FHAD1: variants seen among roughly 807,000 people sequenced by gnomAD.
The protein encoded by FHAD1 is forkhead associated phosphopeptide binding domain 1.
FHAD1 carries 146 observed loss-of-function variants against 191.3 expected under a neutral mutation model. The ratio of observed to expected loss-of-function variants is 0.76; its 90% CI spans 0.67 to 0.88. FHAD1 has a LOEUF of 0.88. Among genes scored for constraint, FHAD1 ranks in the 40% least tolerant of loss-of-function variants. The probability of loss-of-function intolerance (pLI) is 0.00; values close to 1 mark genes in which losing one functional copy is unlikely to be tolerated. For synonymous variants in FHAD1, 616 were observed against 672.3 expected, an observed-to-expected ratio of 0.92 and a Z score of 1.29; for missense variants, 1,635 against 1,785.8, an observed-to-expected ratio of 0.92 and a Z score of 1.52.
At chr1:15,395,986 C>T (rs973471789) in intron 33 of FHAD1, among the ~76,000 whole-genome samples, 5 of 152,136 alleles carry the variant, frequency 3.3e-5, no homozygotes, top group African/African-American at 1.2e-4. Context: ...GAATGTGTTA[C>T]TGTAAGAACC....
chr1:15,312,676 C>A lies in FHAD1; in HGVS notation c.1040-381C>A, dbSNP rs956946224. 6.6e-6 allele frequency among the ~76,000 whole-genome samples: 1 copy of A among 152,154 alleles called. No individual in the cohort carries two copies. Among genetic ancestry groups the A allele is most frequent in the Non-Finnish European group, 1.5e-5 (1 of 68,016 alleles). ...GACCCTGTCTCAAGAAAAAAGACGA[C>A]TGAGCTAGTAAGTGCTAGAGACGGT... On this transcript the variant is annotated intron_variant, in intron 7 of 33. Coordinates refer to ENST00000688493, the MANE Select transcript of FHAD1 (RefSeq NM_001391957.1). This position sits in a 1 kb window ranked among gnomAD's most constrained non-coding sequence, Gnocchi z 4.7.
At chr1:15,242,129 C>A (rs10927745) in intron 1 of FHAD1, among the ~76,000 whole-genome samples, 47,950 of 149,832 alleles carry the variant, frequency 0.32, 7,907 homozygotes, top group Middle Eastern at 0.41. Flanking sequence ...GCTACTCAGG[C>A]GGCTGAAGCA....
intron 19 of FHAD1, among the ~76,000 whole-genome samples, chr1:15,350,290 G>A (rs540748405): frequency 4.6e-5 from 7 of 152,216 alleles, no homozygotes; most frequent in Non-Finnish European, 7.3e-5. Context: ...AAGCAGGGGC[G>A]GCTCCAGGGC....
intron 15 of FHAD1, 52 bp downstream of exon 15, chr1:15,339,603 C>A: frequency 1.1e-6 from 1 of 886,702 alleles, no homozygotes; most frequent in Non-Finnish European, 1.6e-6. Context: ...CCCTGGTTGG[C>A]ATTTATATAG....
chr1:15,256,797 G>A (rs1648397647), intron 2 of FHAD1, among the ~76,000 whole-genome samples: 1 of 152,180 alleles, frequency 6.6e-6, no homozygotes, highest in Non-Finnish European at 1.5e-5. Context: ...GTGGCTAGGA[G>A]GGCGAAGATC....
At chr1:15,368,046 A>C (rs1232267405) in intron 25 of FHAD1, among the ~76,000 whole-genome samples, 1 of 152,142 alleles carries the variant, frequency 6.6e-6, no homozygotes, top group Non-Finnish European at 1.5e-5. Context: ...ATCTTGGCTC[A>C]CTGCAACCTC....
chr1:15,252,643 C>T (rs1164309056), intron 2 of FHAD1, among the ~76,000 whole-genome samples: 1 of 152,222 alleles, frequency 6.6e-6, no homozygotes, highest in Non-Finnish European at 1.5e-5. Flanking sequence ...AAGGTGGGCA[C>T]AGAGCTGGTG....
intron 32 of FHAD1, among the ~76,000 whole-genome samples, chr1:15,390,835 G>A (rs1031805641): frequency 1.3e-5 from 2 of 152,138 alleles, no homozygotes; most frequent in Admixed American, 6.5e-5. Flanking sequence ...GTGAACCACC[G>A]GGCATCTGCA....
rs1663544305 is a variant in FHAD1, at chr1:15,289,053, C to T, written c.301-346C>T. Among the ~76,000 whole-genome samples, 1 of 152,184 alleles carries T rather than the reference C, an allele frequency of 6.6e-6. No individual in the cohort carries two copies. The highest frequency in any genetic ancestry group is 1.5e-5 in the Non-Finnish European group (1 of 68,024). On this transcript the variant is annotated intron_variant, in intron 3 of 33. Transcript: ENST00000688493. The surrounding 1 kb of genome is among the most constrained non-coding windows in gnomAD (Gnocchi z 4.2). ...AGGATGGAGTGCAGTGGTGCTATCA[C>T]AGCTCACTGCAGCCTCTACTTCCTA... is the stretch of plus-strand genomic sequence containing the variant.
At chr1:15,401,708 G>T (rs1707131172), downstream of FHAD1, among the ~76,000 whole-genome samples, 1 of 152,186 alleles carries the variant, frequency 6.6e-6, no homozygotes, top group African/African-American at 2.4e-5. Context: ...AGGAATGAAG[G>T]CAATCCACTA....
intron 26 of FHAD1, among the ~76,000 whole-genome samples, chr1:15,371,965 G>C (rs989845162): frequency 6.6e-6 from 1 of 152,216 alleles, no homozygotes; most frequent in African/African-American, 2.4e-5. Flanking sequence ...ACAGTGCTGG[G>C]CCCTGGGAAT....
In FHAD1 at chr1:15,329,173, C is replaced by A. The variant is rs1027759233; in HGVS notation, c.1711-173C>A. ...TCCAAATTAGAGTATTAAAAAAAAA[C>A]CTGTCAAAACATAAAAATTTTAAAA... On this transcript the variant is annotated intron_variant, in intron 13 of 33. Transcript: ENST00000688493. This position sits in a 1 kb window ranked among gnomAD's most constrained non-coding sequence, Gnocchi z 5.0. 2.1e-5 allele frequency: 11 copies of A among 513,590 alleles called. No individual in the cohort carries two copies. The highest frequency in any genetic ancestry group is 3.4e-5 in the Admixed American group (1 of 29,330). 31.8% of individuals were successfully genotyped at this position (513,590 alleles called of 1,614,324 possible).
chr1:15,375,768 TG>T, intron 28 of FHAD1, 38 bp downstream of exon 28: 1 of 1,509,248 alleles, frequency 6.6e-7, no homozygotes, highest in Non-Finnish European at 8.9e-7. Flanking sequence ...GACTGGCATG[TG>T]GAGAGGAGGG....
intron 5 of FHAD1, among the ~76,000 whole-genome samples, chr1:15,297,655 G>A (rs549293172): frequency 1.3e-5 from 2 of 152,280 alleles, no homozygotes; most frequent in African/African-American, 4.8e-5. Context: ...ACAATTCTAT[G>A]GGTTGCCTTG....
chr1:15,245,146 T>C (rs1358243806), upstream of FHAD1, among the ~76,000 whole-genome samples: 1 of 152,198 alleles, frequency 6.6e-6, no homozygotes, highest in African/African-American at 2.4e-5. Context: ...CATGAGGGAT[T>C]CGCCCGCATG....
chr1:15,264,578 G>GTA (rs1553230111), intron 2 of FHAD1, among the ~76,000 whole-genome samples: 6,014 of 149,888 alleles, frequency 0.04, 563 homozygotes, highest in African/African-American at 0.094. Context: ...GTGTGTGTGT[G>GTA]ATCTTTAGGG....
rs1674940290 is a variant in FHAD1 at position 15,317,716 on chromosome 1, C to G, written c.1261-108C>G. 27 of 679,100 alleles carry G rather than the reference C, an allele frequency of 4.0e-5. 2 individuals carry two copies. Among genetic ancestry groups the G allele is most frequent in the South Asian group, 3.9e-4 (20 of 51,170 alleles). 42.1% of individuals were successfully genotyped at this position (679,100 alleles called of 1,614,324 possible). ...ATAAGCTGATACCAGACAAGGTTTC[C>G]ACCTTAATGGATGGGATGCCAGGGG... On this transcript the variant is annotated intron_variant, in intron 9 of 33. Coordinates refer to ENST00000688493, the MANE Select transcript of FHAD1 (RefSeq NM_001391957.1).
At chr1:15,368,145 T>G (rs1697063752) in intron 25 of FHAD1, among the ~76,000 whole-genome samples, 1 of 152,072 alleles carries the variant, frequency 6.6e-6, no homozygotes, top group Non-Finnish European at 1.5e-5. Flanking sequence ...CTAATTTTTT[T>G]GTATTTTTAG....
At chr1:15,296,837 G>A (rs948766923) in intron 5 of FHAD1, 44 bp downstream of exon 5, 12 of 1,457,914 alleles carry the variant, frequency 8.2e-6, no homozygotes, top group Non-Finnish European at 1.1e-5. Context: ...AGCAGCAAGC[G>A]CACTGCAAAG....
Sources: allele counts gnomAD v4.1 joint callset (sites outside exome capture counted in the v4.1 genomes callset), GRCh38; gene constraint gnomAD v4.1.1; non-coding constraint Gnocchi (gnomAD v3.1); transcripts MANE v1.5; gene names NCBI Gene and HGNC (gene_info 2026-07-23, HGNC 2026-07-21).